The following ADAMTSL1 variants were observed in gnomAD, a reference collection of about 807,000 sequenced individuals.
ADAMTSL1 encodes ADAMTS like 1.
ADAMTSL1 carries 126 observed loss-of-function variants against 201.8 expected under a neutral mutation model. That is an observed-to-expected ratio of 0.62 (90% CI 0.54 to 0.72). The LOEUF (loss-of-function observed/expected upper bound fraction) is 0.72. Ranked by LOEUF, ADAMTSL1 falls within the 30% of genes least tolerant of loss-of-function variation. ADAMTSL1 has a pLI of 0.00. For missense variants in ADAMTSL1, 2,679 were observed against 2,277.8 expected (o/e 1.18, Z -3.59); for synonymous variants, 1,121 against 903.4 (o/e 1.24, Z -4.32).
At chr9:18,654,612 A>C (rs556844609) in intron 7 of ADAMTSL1, among the ~76,000 whole-genome samples, 1 of 152,320 alleles carries the variant, frequency 6.6e-6, no homozygotes, top group East Asian at 1.9e-4. Flanking sequence ...GTATTTATAG[A>C]TATATAACTG....
At chr9:18,225,618 C>G (rs148021767) in intron 2 of ADAMTSL1, among the ~76,000 whole-genome samples, 144 of 152,226 alleles carry the variant, frequency 9.5e-4, no homozygotes, top group African/African-American at 3.4e-3. Flanking sequence ...TGAACTCTGA[C>G]TCTTTTAGAT....
At position 17,972,420 on chromosome 9, in the gene ADAMTSL1, T is replaced by C. The variant is rs183973667; in HGVS notation, c.87+65498T>C. On this transcript the variant is annotated intron_variant, in intron 1 of 29. Transcript: ENST00000680146. Reference sequence around the variant, plus strand: ...TGAGTGAGAACATACGGTGTTTCGTTTTTTGTCCTTGCGATAGTTTGCTGA... The same window carrying C: ...TGAGTGAGAACATACGGTGTTTCGTCTTTTGTCCTTGCGATAGTTTGCTGA... 3.1e-3 allele frequency among the ~76,000 whole-genome samples: 465 copies of C among 150,960 alleles called. 2 individuals are homozygous for C. Among genetic ancestry groups the C allele is most frequent in the Non-Finnish European group, 5.2e-3 (351 of 67,770 alleles).
At chr9:18,714,682 G>A (rs1031010713) in intron 14 of ADAMTSL1, among the ~76,000 whole-genome samples, 3 of 151,288 alleles carry the variant, frequency 2.0e-5, no homozygotes. Flanking sequence ...AGGAGGAACT[G>A]GTACCATTCC....
intron 4 of ADAMTSL1, among the ~76,000 whole-genome samples, chr9:18,578,952 T>C: frequency 6.6e-6 from 1 of 151,332 alleles, no homozygotes; most frequent in East Asian, 1.9e-4. Context: ...CTCATAGTGG[T>C]TTTGATTTGC....
At chr9:18,642,039 C>G (rs920614397) in intron 7 of ADAMTSL1, among the ~76,000 whole-genome samples, 1 of 151,898 alleles carries the variant, frequency 6.6e-6, no homozygotes, top group Non-Finnish European at 1.5e-5. Context: ...ATAGCATCAT[C>G]CTTGAGATGG....
intron 9 of ADAMTSL1, among the ~76,000 whole-genome samples, chr9:18,664,333 A>G (rs930831670): frequency 3.9e-5 from 6 of 152,040 alleles, no homozygotes; most frequent in African/African-American, 1.4e-4. Flanking sequence ...GACTCCAGAA[A>G]ATAGATCTGC....
intron 1 of ADAMTSL1, among the ~76,000 whole-genome samples, chr9:18,490,335 G>A (rs1349787954): frequency 6.6e-6 from 1 of 152,076 alleles, no homozygotes; most frequent in Non-Finnish European, 1.5e-5. Flanking sequence ...TGGAGGGAGG[G>A]AGAGGGGGTA....
chr9:18,781,000 CG>C (rs748637120), intron 19 of ADAMTSL1, among the ~76,000 whole-genome samples: 14 of 152,116 alleles, frequency 9.2e-5, no homozygotes, highest in Non-Finnish European at 1.5e-4. Context: ...AACAATTTTT[CG>C]GCTTAGTAAT....
At chr9:18,251,476 A>T (rs1831462954) in intron 2 of ADAMTSL1, among the ~76,000 whole-genome samples, 1 of 152,194 alleles carries the variant, frequency 6.6e-6, no homozygotes, top group Admixed American at 6.5e-5. Flanking sequence ...TCAACAAAGG[A>T]TGTACTTCTG....
At chr9:17,930,480 T>G (rs1048078821) in intron 1 of ADAMTSL1, among the ~76,000 whole-genome samples, 1 of 152,142 alleles carries the variant, frequency 6.6e-6, no homozygotes, top group Non-Finnish European at 1.5e-5. Context: ...AGTTTCATGG[T>G]CATACCTCCC....
At chr9:18,096,455 C>T (rs1301056819) in intron 1 of ADAMTSL1, among the ~76,000 whole-genome samples, 1 of 152,146 alleles carries the variant, frequency 6.6e-6, no homozygotes, top group Non-Finnish European at 1.5e-5. Context: ...ATATAGTAGC[C>T]ACTGGCCCAT....
chr9:18,763,017 A>C (rs1820161618), intron 16 of ADAMTSL1, among the ~76,000 whole-genome samples: 1 of 152,170 alleles, frequency 6.6e-6, no homozygotes, highest in African/African-American at 2.4e-5. Context: ...TTTTGGGTAT[A>C]TACCCAGCAG....
chr9:18,777,547 G>A lies in ADAMTSL1; in HGVS notation c.3318G>A (p.Gln1106=), dbSNP rs1275497458. Reference sequence around the variant, plus strand: ...AGCACCTGGTGGCCCAGCTGGCCCAGGAGATCTTCCGCAGCCACCTGGAGC... The same window carrying A: ...AGCACCTGGTGGCCCAGCTGGCCCAAGAGATCTTCCGCAGCCACCTGGAGC... ...YSKHLVAQLA[Q]EIFRSHLEHQ... The change falls in exon 19 of 29, where the codon CAG becomes CAA. Residue 1106 remains glutamine (Q), a synonymous_variant. Coordinates refer to ENST00000380548, the MANE Select transcript of ADAMTSL1 (RefSeq NM_001040272.6). The A allele has an allele frequency of 2.5e-6, 4 of 1,604,382 alleles. No individual in the cohort carries two copies. In the South Asian group the frequency reaches 4.5e-5, roughly 18 times the overall value.
intron 15 of ADAMTSL1, 105 bp from the exon 16 acceptor site, chr9:18,753,193 T>G: frequency 8.8e-7 from 1 of 1,135,346 alleles, no homozygotes. Flanking sequence ...GGGCTGGCAC[T>G]TCCCACTTTC....
In ADAMTSL1 at chr9:18,333,928, C is replaced by G. The variant is rs58481857; in HGVS notation, c.207+169947C>G. On this transcript the variant is annotated intron_variant, in intron 2 of 29. Coordinates refer to the ADAMTSL1 transcript ENST00000680146. Reference sequence around the variant, plus strand: ...GCAGCAGGATATATACAGGGTCTGTCCAGATCTTCCATTAGAGGCCCCAAT... The same window carrying G: ...GCAGCAGGATATATACAGGGTCTGTGCAGATCTTCCATTAGAGGCCCCAAT... 3.8e-3 allele frequency among the ~76,000 whole-genome samples: 575 copies of G among 152,156 alleles called. 4 individuals carry two copies. The highest frequency in any genetic ancestry group is 0.013 in the African/African-American group (545 of 41,520).
At chr9:18,308,767 G>A (rs1189767574) in intron 2 of ADAMTSL1, among the ~76,000 whole-genome samples, 1 of 152,120 alleles carries the variant, frequency 6.6e-6, no homozygotes, top group East Asian at 1.9e-4. Context: ...ACAAAGAGGA[G>A]CTGGTACCAT....
At chr9:17,916,684 C>T (rs1311671577) in intron 1 of ADAMTSL1, among the ~76,000 whole-genome samples, 1 of 152,124 alleles carries the variant, frequency 6.6e-6, no homozygotes, top group Non-Finnish European at 1.5e-5. Context: ...TATTGCTATG[C>T]TAGTAGCACA....
At position 18,254,651 on chromosome 9, in the gene ADAMTSL1, C is replaced by T. The variant is rs917757784; in HGVS notation, c.207+90670C>T. ...GTGCTGGGATTACAGGCGTGAGCCA[C>T]CGCGCCTGCCCCCCCGCCCCCCCCA... On this transcript the variant is annotated intron_variant, in intron 2 of 29. Coordinates refer to the ADAMTSL1 transcript ENST00000680146. Among the ~76,000 whole-genome samples, 8 of 145,814 alleles carry T rather than the reference C, an allele frequency of 5.5e-5. No homozygotes were observed. The East Asian group carries it at 8.0e-4, about 15-fold the overall frequency.
intron 5 of ADAMTSL1, among the ~76,000 whole-genome samples, chr9:18,628,602 A>G (rs1310986014): frequency 1.3e-5 from 2 of 152,100 alleles, no homozygotes; most frequent in African/African-American, 4.8e-5. Context: ...CTGCTTGTCC[A>G]TATCTACAAA....
Sources: allele counts gnomAD v4.1 joint callset (sites outside exome capture counted in the v4.1 genomes callset), GRCh38; gene constraint gnomAD v4.1.1; transcripts MANE v1.5; gene names NCBI Gene and HGNC (gene_info 2026-07-23, HGNC 2026-07-21).